The following SGIP1 variants were observed in gnomAD, a reference collection of about 807,000 sequenced individuals.
SGIP1 encodes SH3-containing GRB2-like protein 3-interacting protein 1.
Under a neutral mutation model 107.5 loss-of-function variants are expected in SGIP1, and 38 were observed. That is an observed-to-expected ratio of 0.35 (90% confidence interval 0.27 to 0.46). The LOEUF (loss-of-function observed/expected upper bound fraction) is 0.46. SGIP1 is among the 20% of genes least tolerant of loss of function. The probability of loss-of-function intolerance (pLI) is 1.00; values close to 1 mark genes in which losing one functional copy is unlikely to be tolerated. For synonymous variants in SGIP1, 365 were observed against 366.1 expected (o/e 1.00, Z 0.03); for missense variants, 929 against 1,019.5 (o/e 0.91, Z 1.21).
At chr1:66,589,332 A>G (rs994564190) in intron 1 of SGIP1, among the ~76,000 whole-genome samples, 5 of 149,330 alleles carry the variant, frequency 3.3e-5, no homozygotes, top group African/African-American at 1.2e-4. Flanking sequence ...CCTATTTTAG[A>G]CTTTGTTTTC....
chr1:66,736,024 T>G (rs2094218163), intron 21 of SGIP1, among the ~76,000 whole-genome samples: 1 of 150,620 alleles, frequency 6.6e-6, no homozygotes, highest in African/African-American at 2.4e-5. Context: ...TATTTCTCAA[T>G]CAAATGCTGG....
chr1:66,714,040 C>G (rs557185982), intron 18 of SGIP1, among the ~76,000 whole-genome samples: 33 of 152,248 alleles, frequency 2.2e-4, no homozygotes, highest in Admixed American at 2.0e-3. Flanking sequence ...AGAACCAACT[C>G]TAATTCAACA....
chr1:66,648,124 G>A (rs2077990449), intron 7 of SGIP1, among the ~76,000 whole-genome samples: 1 of 152,134 alleles, frequency 6.6e-6, no homozygotes, highest in Non-Finnish European at 1.5e-5. Flanking sequence ...TGGCTAAGAT[G>A]AATAACCTTG....
At chr1:66,555,489 T>A (rs1238425618) in intron 1 of SGIP1, among the ~76,000 whole-genome samples, 1 of 152,158 alleles carries the variant, frequency 6.6e-6, no homozygotes, top group East Asian at 1.9e-4. Context: ...AAGAGGGATG[T>A]ATCCCAAGCA....
At position 66,746,560 on chromosome 1, in the gene SGIP1, A is replaced by C. The variant is rs758790439; in HGVS notation, c.*3465A>C. The C allele has an allele frequency of 6.6e-6, 1 of 152,146 alleles. No individual in the cohort carries two copies. The highest frequency in any genetic ancestry group is 1.5e-5 in the Non-Finnish European group (1 of 67,970). 9.4% of individuals were successfully genotyped at this position (152,146 alleles called of 1,614,324 possible). A position where few individuals can be genotyped will look rare whatever the true frequency, so the allele number is the denominator to read the frequency against. On this transcript the variant is annotated 3_prime_UTR_variant, in exon 25 of 25. Coordinates refer to ENST00000371037, the MANE Select transcript of SGIP1 (RefSeq NM_032291.4). ...AATGATATACAATAAAAACTGACAG[A>C]GTGTTTACCATGTACCAGTCACTAG... is the stretch of plus-strand genomic sequence containing the variant.
chr1:66,543,143 C>T (rs2055415727), intron 1 of SGIP1, among the ~76,000 whole-genome samples: 1 of 152,186 alleles, frequency 6.6e-6, no homozygotes. Flanking sequence ...TTCAGTAGCT[C>T]AGTAGAAAAT....
intron 1 of SGIP1, among the ~76,000 whole-genome samples, chr1:66,571,243 A>C (rs187301769): frequency 1.2e-4 from 18 of 152,196 alleles, no homozygotes; most frequent in Admixed American, 1.2e-3. Context: ...AGGACATTAC[A>C]TCAGGTTTCT....
chr1:66,713,735 C>CATATTTTAATAA (rs2093062013), intron 18 of SGIP1, among the ~76,000 whole-genome samples: 1 of 151,976 alleles, frequency 6.6e-6, no homozygotes, highest in Non-Finnish European at 1.5e-5. Flanking sequence ...TACAGGAACT[C>CATATTTTAATAA]ATATTTTAAT....
intron 1 of SGIP1, among the ~76,000 whole-genome samples, chr1:66,534,621 G>A (rs563163009): frequency 6.6e-6 from 1 of 152,322 alleles, no homozygotes; most frequent in East Asian, 1.9e-4. Context: ...AGTGTTTGCA[G>A]GGAGCTGAGA....
chr1:66,696,492 T>C (rs141151397), intron 18 of SGIP1, among the ~76,000 whole-genome samples: 1 of 152,324 alleles, frequency 6.6e-6, no homozygotes, highest in East Asian at 1.9e-4. Context: ...GTGTGTGTTT[T>C]AATGCAACTT....
intron 2 of SGIP1, among the ~76,000 whole-genome samples, chr1:66,629,804 C>T (rs2073850178): frequency 6.6e-6 from 1 of 152,164 alleles, no homozygotes; most frequent in African/African-American, 2.4e-5. Context: ...TCTCTTCACT[C>T]CCTAACCTGG....
chr1:66,738,243 C>T (rs1039453153), intron 21 of SGIP1, among the ~76,000 whole-genome samples: 1 of 152,204 alleles, frequency 6.6e-6, no homozygotes, highest in Non-Finnish European at 1.5e-5. Flanking sequence ...TCTGCCATAA[C>T]CACTCCTGCC....
At chr1:66,613,845 A>G (rs545540532) in intron 1 of SGIP1, among the ~76,000 whole-genome samples, 1 of 152,336 alleles carries the variant, frequency 6.6e-6, no homozygotes, top group Non-Finnish European at 1.5e-5. Context: ...AGAGGGTAAT[A>G]TTAGATGTTG....
intron 5 of SGIP1, among the ~76,000 whole-genome samples, chr1:66,642,516 C>G: frequency 6.6e-6 from 1 of 152,168 alleles, no homozygotes; most frequent in Non-Finnish European, 1.5e-5. Context: ...TCTTATCACC[C>G]ATGTTGCTTA....
chr1:66,576,470 C>G (rs2061081136), intron 1 of SGIP1, among the ~76,000 whole-genome samples: 1 of 152,128 alleles, frequency 6.6e-6, no homozygotes, highest in African/African-American at 2.4e-5. Flanking sequence ...GTGTCCTCAT[C>G]TACAAAATAA....
chr1:66,679,515 C>T (rs1262347611), intron 13 of SGIP1, among the ~76,000 whole-genome samples, 163 bp from the exon 14 acceptor site: 1 of 152,168 alleles, frequency 6.6e-6, no homozygotes, highest in Non-Finnish European at 1.5e-5. Context: ...TGGGTTCTGC[C>T]TCAGTTCTTT....
rs1484123521 is a variant in SGIP1, at chr1:66,578,885, G to A, written c.10+44517G>A. On this transcript the variant is annotated intron_variant, in intron 1 of 24. Transcript: ENST00000371037. ...GGGGTATGTCCATGTTGGTCAGGCT[G>A]GTTTCAGACTCCCAACCTCAGGAGA... 3.3e-5 allele frequency among the ~76,000 whole-genome samples: 5 copies of A among 152,122 alleles called. No homozygotes were observed. The East Asian group carries it at 5.8e-4, about 18-fold the overall frequency.
rs1235155469 is a variant in SGIP1, at chr1:66,744,077, C to G, written c.*982C>G. On this transcript the variant is annotated 3_prime_UTR_variant, in exon 25 of 25. Transcript: ENST00000371037. Reference sequence around the variant, plus strand: ...TGGGGGAATGATACCTCACGTCTTCCTCTTTACCCACAGGAATCAAAACGC... The same window carrying G: ...TGGGGGAATGATACCTCACGTCTTCGTCTTTACCCACAGGAATCAAAACGC... 7 of 152,066 alleles carry G rather than the reference C, an allele frequency of 4.6e-5. No homozygotes were observed. The highest frequency in any genetic ancestry group is 2.0e-4 in the Admixed American group (3 of 15,274). The allele number at this position is 152,066 out of a possible 1,614,324, so 9.4% of individuals were successfully genotyped here. A position where few individuals can be genotyped will look rare whatever the true frequency, so the allele number is the denominator to read the frequency against.
At chr1:66,638,609 A>G (rs536913096) in intron 4 of SGIP1, among the ~76,000 whole-genome samples, 24 of 152,172 alleles carry the variant, frequency 1.6e-4, no homozygotes, top group Admixed American at 1.4e-3. Context: ...CACATTATCT[A>G]TTTCTTGTGC....
Sources: gnomAD v4.1 joint callset for allele counts (sites outside exome capture counted in the v4.1 genomes callset) on GRCh38, gnomAD v4.1.1 for gene constraint, MANE v1.5 for transcripts, NCBI Gene and HGNC (gene_info 2026-07-23, HGNC 2026-07-21) for gene names.